The following RP1 variants were observed in gnomAD, a reference collection of about 807,000 sequenced individuals.
The protein encoded by RP1 is RP1 axonemal microtubule associated.
In RP1, 16 loss-of-function variants were observed where a neutral mutation model predicts 14.8. That is an observed-to-expected ratio of 1.08 (90% CI 0.73 to 1.65). The LOEUF (loss-of-function observed/expected upper bound fraction) is 1.65. Ranked by LOEUF, RP1 falls within the 40% of genes most tolerant of loss-of-function variation. RP1 has a pLI of 0.00. For synonymous variants in RP1, 876 were observed against 883.6 expected, an observed-to-expected ratio of 0.99 and a Z score of 0.15; for missense variants, 2,631 against 2,535.0, an observed-to-expected ratio of 1.04 and a Z score of -0.81.
At chr8:54,703,355 A>G (rs1354863347) in intron 14 of RP1, among the ~76,000 whole-genome samples, 1 of 152,206 alleles carries the variant, frequency 6.6e-6, no homozygotes, top group East Asian at 1.9e-4. Context: ...GTACGTGTCC[A>G]TCAGAGCTCT....
chr8:54,789,042 T>C (rs1412037097), intron 24 of RP1, among the ~76,000 whole-genome samples: 1 of 152,166 alleles, frequency 6.6e-6, no homozygotes, highest in Non-Finnish European at 1.5e-5. Flanking sequence ...TTGGGGTGCT[T>C]CATGGGAAAC....
At chr8:54,566,885 A>G (rs926986582) in intron 1 of RP1, among the ~76,000 whole-genome samples, 4 of 152,220 alleles carry the variant, frequency 2.6e-5, no homozygotes, top group African/African-American at 4.8e-5. Flanking sequence ...GTTAGACATC[A>G]CTAAAATGTC....
At chr8:54,689,256 A>C (rs1002829307) in intron 12 of RP1, among the ~76,000 whole-genome samples, 2 of 152,174 alleles carry the variant, frequency 1.3e-5, no homozygotes, top group Non-Finnish European at 2.9e-5. Context: ...TGTCATCTGC[A>C]AACAGGGACA....
intron 17 of RP1, among the ~76,000 whole-genome samples, chr8:54,733,803 G>C (rs951176632): frequency 2.0e-5 from 3 of 152,248 alleles, no homozygotes; most frequent in African/African-American, 7.2e-5. Flanking sequence ...GCATTGTCTG[G>C]CCCAGTATCT....
At chr8:54,715,354 T>C (rs1304484708) in intron 15 of RP1, among the ~76,000 whole-genome samples, 1 of 152,206 alleles carries the variant, frequency 6.6e-6, no homozygotes, top group African/African-American at 2.4e-5. Flanking sequence ...CAGTTTGTAT[T>C]TGAGTTAGGG....
chr8:54,590,454 G>T (rs1416852724), intron 1 of RP1, among the ~76,000 whole-genome samples: 1 of 152,154 alleles, frequency 6.6e-6, no homozygotes, highest in South Asian at 2.1e-4. Flanking sequence ...CCAATCAGGG[G>T]TGCTCACCCA....
At chr8:54,638,148 A>G (rs1301737902) in intron 3 of RP1, among the ~76,000 whole-genome samples, 1 of 152,166 alleles carries the variant, frequency 6.6e-6, no homozygotes, top group Non-Finnish European at 1.5e-5. Flanking sequence ...CTTATAGTTT[A>G]TAATAAGGGG....
intron 14 of RP1, among the ~76,000 whole-genome samples, chr8:54,702,966 G>A (rs1808060716): frequency 1.3e-5 from 2 of 152,156 alleles, no homozygotes; most frequent in Non-Finnish European, 2.9e-5. Flanking sequence ...ACAACTTCAA[G>A]CTCCACTTCT....
At chr8:54,757,887 A>C (rs1212563148) in intron 21 of RP1, among the ~76,000 whole-genome samples, 2 of 152,220 alleles carry the variant, frequency 1.3e-5, no homozygotes, top group East Asian at 3.8e-4. Context: ...ACAAATATTC[A>C]TCATCTGGTT....
chr8:54,721,569 A>C (rs1808537674), intron 16 of RP1, among the ~76,000 whole-genome samples: 1 of 152,268 alleles, frequency 6.6e-6, no homozygotes, highest in Non-Finnish European at 1.5e-5. Context: ...AAGACATAAG[A>C]GAGAAATAAT....
intron 1 of RP1, among the ~76,000 whole-genome samples, chr8:54,608,591 C>T (rs1962731): frequency 0.34 from 52,022 of 151,706 alleles, 9,432 homozygotes; most frequent in Middle Eastern, 0.48. Context: ...AATTAGAGAA[C>T]TCCTAGGGGA....
At chr8:54,741,964 TA>T (rs1809109180) in intron 19 of RP1, among the ~76,000 whole-genome samples, 1 of 151,750 alleles carries the variant, frequency 6.6e-6, no homozygotes, top group Non-Finnish European at 1.5e-5. Context: ...TAGGTACCAT[TA>T]ATATCCTATT....
intron 23 of RP1, among the ~76,000 whole-genome samples, chr8:54,776,093 A>C (rs1169124316): frequency 6.6e-6 from 1 of 152,248 alleles, no homozygotes; most frequent in Non-Finnish European, 1.5e-5. Context: ...CTATTTATAC[A>C]GCATTTATAC....
At chr8:54,678,253 A>C (rs2129334706) in intron 8 of RP1, among the ~76,000 whole-genome samples, 1 of 152,322 alleles carries the variant, frequency 6.6e-6, no homozygotes, top group Admixed American at 6.5e-5. Flanking sequence ...TGAAGCCTTA[A>C]AATAATGCTT....
chr8:54,717,094 G>A (rs1471616904), intron 15 of RP1, among the ~76,000 whole-genome samples: 4 of 152,068 alleles, frequency 2.6e-5, no homozygotes, highest in African/African-American at 4.8e-5. Context: ...TACCTTTTCA[G>A]TGGCTTCATC....
chr8:54,765,047 G>T (rs1207003125), intron 22 of RP1, among the ~76,000 whole-genome samples: 1 of 152,240 alleles, frequency 6.6e-6, no homozygotes, highest in Non-Finnish European at 1.5e-5. Context: ...CGCCTTGACG[G>T]CCTGGCAGAG....
chr8:54,807,495 T>C (rs573817897), intron 24 of RP1, among the ~76,000 whole-genome samples: 1 of 152,218 alleles, frequency 6.6e-6, no homozygotes, highest in East Asian at 1.9e-4. Context: ...TTCTGATGCT[T>C]GTCTGTTTAT....
At chr8:54,671,139 T>C (rs545215905) in intron 7 of RP1, among the ~76,000 whole-genome samples, 2 of 152,040 alleles carry the variant, frequency 1.3e-5, no homozygotes, top group African/African-American at 4.8e-5. Flanking sequence ...TTTTTTCTTT[T>C]AATATTTTGA....
chr8:54,652,079 C>T (rs181315932), intron 4 of RP1, among the ~76,000 whole-genome samples: 259 of 151,782 alleles, frequency 1.7e-3, no homozygotes, highest in African/African-American at 5.8e-3. Flanking sequence ...ATGATCTCAG[C>T]TCACTGCAAC....
Sources: gnomAD v4.1 joint callset for allele counts (sites outside exome capture counted in the v4.1 genomes callset) on GRCh38, gnomAD v4.1.1 for gene constraint, MANE v1.5 for transcripts, NCBI Gene and HGNC (gene_info 2026-07-23, HGNC 2026-07-21) for gene names.